The following SLC44A5 variants were observed in gnomAD, a reference collection of about 807,000 sequenced individuals.
SLC44A5 encodes solute carrier family 44 member 5.
A neutral mutation model predicts 101.8 loss-of-function variants in SLC44A5; 57 were observed. The observed-to-expected ratio is 0.56, with a 90% CI of 0.45 to 0.70. The LOEUF is 0.70. Among genes scored for constraint, SLC44A5 ranks in the 30% least tolerant of loss-of-function variants. The pLI is 0.00. For synonymous variants in SLC44A5, 281 were observed against 290.9 expected (o/e 0.97, Z 0.35); for missense variants, 737 against 853.1 (o/e 0.86, Z 1.70).
chr1:75,714,986 A>G, the SLC44A5 span, among the ~76,000 whole-genome samples: 2 of 152,192 alleles, frequency 1.3e-5, no homozygotes, highest in African/African-American at 2.4e-5. Context: ...AATCAGCAGC[A>G]TTTCTATACA....
At chr1:75,496,141 G>T (rs1668659643) in intron 2 of SLC44A5, among the ~76,000 whole-genome samples, 1 of 151,684 alleles carries the variant, frequency 6.6e-6, no homozygotes, top group African/African-American at 2.4e-5. Flanking sequence ...ACCCCAAATA[G>T]CCCAAACAAT....
At chr1:75,203,972 T>A in intron 23 of SLC44A5, 139 bp from the exon 24 acceptor site, 1 of 1,059,440 alleles carries the variant, frequency 9.4e-7, no homozygotes, top group Non-Finnish European at 1.3e-6. Context: ...TTAAACAGCA[T>A]AGTTTGGCAT....
At chr1:75,542,952 A>G (rs953276461) in intron 1 of SLC44A5, among the ~76,000 whole-genome samples, 1 of 152,174 alleles carries the variant, frequency 6.6e-6, no homozygotes, top group East Asian at 1.9e-4. Context: ...ACCACTAGTT[A>G]TCTGAACATG....
chr1:75,530,954 G>T (rs189956079), intron 2 of SLC44A5, among the ~76,000 whole-genome samples: 5 of 152,234 alleles, frequency 3.3e-5, no homozygotes, highest in East Asian at 1.9e-4. Context: ...GAAGTTTAAT[G>T]GATATTAAAG....
At chr1:75,700,891 A>G in the SLC44A5 span, among the ~76,000 whole-genome samples, 1 of 152,234 alleles carries the variant, frequency 6.6e-6, no homozygotes, top group Non-Finnish European at 1.5e-5. Flanking sequence ...CTATGCAAAT[A>G]AACTGGAAAA....
intron 3 of SLC44A5, among the ~76,000 whole-genome samples, chr1:75,370,376 C>T (rs1660147536): frequency 6.6e-6 from 1 of 152,122 alleles, no homozygotes; most frequent in Admixed American, 6.5e-5. Context: ...TCTTTCATCT[C>T]CTTAACTACT....
At chr1:75,584,196 C>A (rs933775210) in intron 1 of SLC44A5, among the ~76,000 whole-genome samples, 1 of 152,162 alleles carries the variant, frequency 6.6e-6, no homozygotes, top group Non-Finnish European at 1.5e-5. Context: ...GTGAAACTGT[C>A]CTTTTGAGCT....
In SLC44A5 at chr1:75,237,006, T is replaced by A. The variant is rs1433233098; in HGVS notation, c.721A>T (p.Thr241Ser). 2 of 1,596,998 alleles carry A rather than the reference T, an allele frequency of 1.3e-6. No individual in the cohort carries two copies. The highest frequency in any genetic ancestry group is 1.7e-6 in the Non-Finnish European group (2 of 1,167,200). ...ACTTACATGAGAATCCAATACCAAG[T>A]TCTTGCATAGTCTTCAAACACTTTC... ...GLKVFEDYAR[T>S]WYWILIGLTI... The change falls in exon 11 of 24, where the codon ACT becomes TCT. Residue 241 changes from threonine (T) to serine (S), a missense_variant. Thr to Ser is a moderately conservative substitution (Grantham distance 58). Coordinates refer to ENST00000370859, the MANE Select transcript of SLC44A5 (RefSeq NM_001130058.2).
At chr1:75,229,469 A>G (rs1048139711) in intron 12 of SLC44A5, among the ~76,000 whole-genome samples, 3 of 151,420 alleles carry the variant, frequency 2.0e-5, no homozygotes, top group African/African-American at 7.3e-5. Context: ...TCTTCAACAC[A>G]CTCTTATGTT....
At chr1:75,407,060 C>A (rs2101480124) in intron 2 of SLC44A5, among the ~76,000 whole-genome samples, 1 of 152,118 alleles carries the variant, frequency 6.6e-6, no homozygotes. Context: ...GCCTATACAC[C>A]AATAACAGAC....
chr1:75,640,741 AG>A, the SLC44A5 span, among the ~76,000 whole-genome samples: 1 of 152,092 alleles, frequency 6.6e-6, no homozygotes, highest in Non-Finnish European at 1.5e-5. Context: ...CATGAAGTAG[AG>A]TTGTGCCTTC....
chr1:75,500,666 A>T (rs1668912339), intron 2 of SLC44A5, among the ~76,000 whole-genome samples: 2 of 152,228 alleles, frequency 1.3e-5, no homozygotes, highest in Admixed American at 6.5e-5. Flanking sequence ...TGACTGATAC[A>T]AACACTCTGA....
intron 12 of SLC44A5, among the ~76,000 whole-genome samples, chr1:75,228,470 A>G (rs1647283467): frequency 1.3e-5 from 2 of 152,088 alleles, no homozygotes; most frequent in Admixed American, 6.5e-5. Context: ...TAAATAATTT[A>G]TAGCTCCAAT....
intron 2 of SLC44A5, among the ~76,000 whole-genome samples, chr1:75,479,376 GCAGAAGGCAAGAAATAACTAAAAT>G (rs1667667024): frequency 6.6e-6 from 1 of 152,286 alleles, no homozygotes; most frequent in South Asian, 2.1e-4. Context: ...TCAAAAACTA[GCAGAAGGCAAGAAATAACTAAAAT>G]CAGAGCAGAA....
chr1:75,386,884 A>C (rs183089323), intron 3 of SLC44A5, among the ~76,000 whole-genome samples: 11 of 152,284 alleles, frequency 7.2e-5, no homozygotes, highest in African/African-American at 2.6e-4. Flanking sequence ...GGAACAGAAC[A>C]GAACCCTCAG....
intron 2 of SLC44A5, among the ~76,000 whole-genome samples, chr1:75,424,367 A>T (rs1664184727): frequency 6.6e-6 from 1 of 152,066 alleles, no homozygotes; most frequent in African/African-American, 2.4e-5. Flanking sequence ...GTGCAGTGGC[A>T]TGATCTCAGC....
At chr1:75,427,631 G>A (rs948704730) in intron 2 of SLC44A5, among the ~76,000 whole-genome samples, 1 of 152,180 alleles carries the variant, frequency 6.6e-6, no homozygotes, top group Admixed American at 6.5e-5. Flanking sequence ...CATGGACTCT[G>A]CAGCCAGACT....
At chr1:75,683,720 A>G in the SLC44A5 span, among the ~76,000 whole-genome samples, 11 of 152,022 alleles carry the variant, frequency 7.2e-5, no homozygotes, top group East Asian at 1.4e-3. Context: ...ACTAACCTGC[A>G]CAATGTGCAC....
chr1:75,572,899 G>C (rs1386219891), intron 1 of SLC44A5, among the ~76,000 whole-genome samples: 1 of 151,986 alleles, frequency 6.6e-6, no homozygotes, highest in East Asian at 1.9e-4. Context: ...AAGGCAGGCA[G>C]ATCGCCTGAG....
Sources: allele counts gnomAD v4.1 joint callset (sites outside exome capture counted in the v4.1 genomes callset), GRCh38; gene constraint gnomAD v4.1.1; transcripts MANE v1.5; gene names NCBI Gene and HGNC (gene_info 2026-07-23, HGNC 2026-07-21).